The following LCMT1 variants were observed in gnomAD, a reference collection of about 807,000 sequenced individuals.
LCMT1 encodes leucine carboxyl methyltransferase 1.
Under a neutral mutation model 47.7 loss-of-function variants are expected in LCMT1, and 32 were observed. That is an observed-to-expected ratio of 0.67 (90% confidence interval 0.51 to 0.90). The LOEUF is 0.90. Among genes scored for constraint, LCMT1 ranks in the 40% least tolerant of loss-of-function variants. The pLI is 0.00. For synonymous variants in LCMT1, 152 were observed against 149.7 expected (o/e 1.02, Z -0.11); for missense variants, 375 against 415.2 (o/e 0.90, Z 0.84).
intron 4 of LCMT1, chr16:25,142,566 G>A (rs2141667637): frequency 6.6e-6 from 1 of 152,274 alleles, no homozygotes; most frequent in African/African-American, 2.4e-5. Flanking sequence ...ATTACCTGAA[G>A]CTATAATGCC....
At chr16:25,137,150 T>G (rs1027246855) in intron 3 of LCMT1, among the ~76,000 whole-genome samples, 2 of 152,168 alleles carry the variant, frequency 1.3e-5, no homozygotes, top group African/African-American at 4.8e-5. Flanking sequence ...TTCTCCTGCC[T>G]CAGCCTCCCG....
rs1009434369 is a variant in LCMT1 at position 25,161,323 on chromosome 16, A to G, written c.569+119A>G. ...CCATTTTTTATTCTTTAAGAGTTTT[A>G]TCATTTCATTGCTACCTAGTTTTCT... On this transcript the variant is annotated intron_variant, in intron 6 of 10. Coordinates refer to ENST00000399069, the MANE Select transcript of LCMT1 (RefSeq NM_016309.3). 2.6e-5 allele frequency: 14 copies of G among 544,600 alleles called. No individual in the cohort carries two copies. The Admixed American group carries it at 2.7e-4, about 10-fold the overall frequency. The allele number at this position is 544,600 out of a possible 1,614,324, so 33.7% of individuals were successfully genotyped here.
intron 6 of LCMT1, 111 bp downstream of exon 6, chr16:25,161,315 A>C: frequency 1.7e-6 from 1 of 576,888 alleles, no homozygotes; most frequent in Non-Finnish European, 3.0e-6. Flanking sequence ...TTATTCTTTA[A>C]GAGTTTTATC....
chr16:25,119,767 T>C (rs1481098402), intron 1 of LCMT1, among the ~76,000 whole-genome samples: 5 of 152,050 alleles, frequency 3.3e-5, no homozygotes, highest in African/African-American at 1.2e-4. Context: ...GTCGAGATTG[T>C]GATCTGAAAT....
chr16:25,159,701 G>C (rs1371316324), intron 5 of LCMT1, among the ~76,000 whole-genome samples: 3 of 152,082 alleles, frequency 2.0e-5, no homozygotes, highest in Non-Finnish European at 4.4e-5. Context: ...ATGGTGTGTA[G>C]CCATATGTAT....
chr16:25,173,806 A>C (rs1274528889), intron 9 of LCMT1, among the ~76,000 whole-genome samples: 1 of 152,074 alleles, frequency 6.6e-6, no homozygotes, highest in Non-Finnish European at 1.5e-5. Context: ...TGGCCTCCCA[A>C]AGCTCTGGCA....
chr16:25,172,982 A>T (rs148629967), intron 9 of LCMT1, among the ~76,000 whole-genome samples: 246 of 152,340 alleles, frequency 1.6e-3, no homozygotes, highest in Middle Eastern at 6.8e-3. Flanking sequence ...CCTTCTGTAG[A>T]TAGCAGCGTG....
intron 1 of LCMT1, among the ~76,000 whole-genome samples, chr16:25,113,687 A>G (rs942759018): frequency 6.6e-6 from 1 of 152,136 alleles, no homozygotes; most frequent in African/African-American, 2.4e-5. Flanking sequence ...TTCAGTTGCT[A>G]TTGGCCACAG....
chr16:25,132,340 A>G, intron 2 of LCMT1, 62 bp from the exon 3 acceptor site: 2 of 1,597,892 alleles, frequency 1.3e-6, no homozygotes, highest in Non-Finnish European at 1.7e-6. Context: ...GGTGGGCTTC[A>G]CAGGGATAAT....
rs145810421 is a variant in LCMT1 at position 25,113,192 on chromosome 16, T to C, written c.113+1196T>C. Among the ~76,000 whole-genome samples the C allele has an allele frequency of 4.7e-3, 680 of 143,926 alleles. 6 individuals carry two copies. The highest frequency in any genetic ancestry group is 0.017 in the African/African-American group (660 of 38,864). The allele number at this position is 143,926 out of a possible 152,430, so 94.4% of individuals were successfully genotyped here. On this transcript the variant is annotated intron_variant, in intron 1 of 10. Coordinates refer to ENST00000399069, the MANE Select transcript of LCMT1 (RefSeq NM_016309.3). The stretch of plus-strand genomic sequence containing the variant: ...AGAAAAGGCTTGAAAAATAGGAAAG[T>C]TGTAGGAGAGTGTTCAGAGGAGTGT...
chr16:25,146,011 C>G (rs1044055909), intron 4 of LCMT1: 4 of 152,172 alleles, frequency 2.6e-5, no homozygotes, highest in African/African-American at 9.7e-5. Flanking sequence ...GATGGTGGCT[C>G]CCATTTTGCT....
rs1349844658 is a variant in LCMT1 at position 25,170,806 on chromosome 16, G to C, written c.884+1G>C. 4 of 1,603,082 alleles carry C rather than the reference G, an allele frequency of 2.5e-6. No individual in the cohort carries two copies. In the Admixed American group the frequency reaches 5.0e-5, roughly 20 times the overall value. On this transcript the variant is annotated splice_donor_variant, in intron 9 of 10. Coordinates refer to ENST00000399069, the MANE Select transcript of LCMT1 (RefSeq NM_016309.3). LOFTEE classifies it high-confidence loss of function. The stretch of plus-strand genomic sequence containing the variant: ...GGTTACCTCGAGCTGAAGTGAGCAG[G>C]TATGGGGTTGGTGAGCGTCAGCTTG...
In LCMT1 at chr16:25,111,789, G is replaced by A. The variant is rs1214173310; in HGVS notation, c.-95G>A. Reference sequence around the variant, plus strand: ...GCCAGGTAGGGCCCTACCCTCTTCTGTTGCTTTCTCCCTGTGGCTCGCGCC... The same window carrying A: ...GCCAGGTAGGGCCCTACCCTCTTCTATTGCTTTCTCCCTGTGGCTCGCGCC... On this transcript the variant is annotated 5_prime_UTR_variant, in exon 1 of 11. Transcript: ENST00000399069. 2.4e-6 allele frequency: 2 copies of A among 844,238 alleles called. No homozygotes were observed. Among genetic ancestry groups the A allele is most frequent in the African/African-American group, 3.4e-5 (2 of 59,604 alleles). 52.3% of individuals were successfully genotyped at this position (844,238 alleles called of 1,614,324 possible).
intron 1 of LCMT1, among the ~76,000 whole-genome samples, chr16:25,117,969 T>C (rs7195548): frequency 0.16 from 24,897 of 152,096 alleles, 2,255 homozygotes; most frequent in African/African-American, 0.22. Context: ...GAGGGAATTA[T>C]TTGGCTAAGT....
chr16:25,162,866 A>G (rs1243755761), intron 6 of LCMT1, among the ~76,000 whole-genome samples: 1 of 72,938 alleles, frequency 1.4e-5, no homozygotes, highest in Non-Finnish European at 2.6e-5. Context: ...TGCTATGCGT[A>G]TAATTTTGGA....
At chr16:25,151,321 A>G (rs1323321803) in intron 4 of LCMT1, among the ~76,000 whole-genome samples, 1 of 152,224 alleles carries the variant, frequency 6.6e-6, no homozygotes, top group Non-Finnish European at 1.5e-5. Flanking sequence ...TGCTGAGTGT[A>G]ATGCTTAGCC....
chr16:25,118,290 A>G (rs538901389), intron 1 of LCMT1, among the ~76,000 whole-genome samples: 1 of 152,056 alleles, frequency 6.6e-6, no homozygotes, highest in African/African-American at 2.4e-5. Context: ...CAGTTCATCT[A>G]ATATGCCCCA....
chr16:25,128,155 T>C (rs914928359), intron 1 of LCMT1, among the ~76,000 whole-genome samples: 6 of 152,218 alleles, frequency 3.9e-5, no homozygotes, highest in African/African-American at 1.4e-4. Context: ...AGTGAATAAA[T>C]GGCTGCACAT....
chr16:25,128,662 G>C (rs1415993512), intron 2 of LCMT1, 96 bp downstream of exon 2: 2 of 910,056 alleles, frequency 2.2e-6, no homozygotes, highest in Admixed American at 4.4e-5. Flanking sequence ...TCCCTTTCCA[G>C]CTGTGCGCAA....
Sources: gnomAD v4.1 joint callset for allele counts (sites outside exome capture counted in the v4.1 genomes callset) on GRCh38, gnomAD v4.1.1 for gene constraint, MANE v1.5 for transcripts, NCBI Gene and HGNC (gene_info 2026-07-23, HGNC 2026-07-21) for gene names.